RHPN2: variants seen among roughly 807,000 people sequenced by gnomAD.
The protein encoded by RHPN2 is rhophilin-2.
A neutral mutation model predicts 79.0 loss-of-function variants in RHPN2; 40 were observed. The observed-to-expected ratio is 0.51, with a 90% confidence interval of 0.39 to 0.66. RHPN2 has a LOEUF of 0.66. Ranked by LOEUF, RHPN2 falls within the 30% of genes least tolerant of loss-of-function variation. RHPN2 has a pLI of 0.00. For missense variants in RHPN2, 686 were observed against 883.5 expected (o/e 0.78, Z 2.83); for synonymous variants, 285 against 363.5 (o/e 0.78, Z 2.46).
intron 4 of RHPN2, among the ~76,000 whole-genome samples, chr19:33,020,675 C>T (rs989244107): frequency 1.3e-5 from 2 of 151,992 alleles, no homozygotes; most frequent in South Asian, 2.1e-4. Context: ...AATTTCTGTA[C>T]ATTTAGTAGA....
intron 2 of RHPN2, among the ~76,000 whole-genome samples, chr19:33,038,739 C>T (rs1195007658): frequency 6.6e-6 from 1 of 152,146 alleles, no homozygotes; most frequent in Non-Finnish European, 1.5e-5. Context: ...CTCACTGCAA[C>T]CTCGAACTCC....
intron 7 of RHPN2, 72 bp from the exon 8 acceptor site, chr19:33,003,072 T>TA: frequency 1.4e-6 from 2 of 1,429,260 alleles, no homozygotes; most frequent in Non-Finnish European, 1.9e-6. Flanking sequence ...TAGAGAAAGA[T>TA]AGGAGGCCGA....
At position 33,036,907 on chromosome 19, in the gene RHPN2, G is replaced by A. The variant is rs537236947; in HGVS notation, c.185+7342C>T. Among the ~76,000 whole-genome samples the A allele has an allele frequency of 2.2e-3, 314 of 142,884 alleles. 2 individuals carry two copies. Among genetic ancestry groups the A allele is most frequent in the South Asian group, 0.013 (59 of 4,628 alleles). 93.7% of individuals were successfully genotyped at this position (142,884 alleles called of 152,430 possible). A position where few individuals can be genotyped will look rare whatever the true frequency, so the allele number is the denominator to read the frequency against. ...CCCTCTGTGGGCTCCTGTGTAGCCCGAGCCTCCCCGACGAGCGCCGCCCCC... is the reference window on the plus strand; with the variant it reads ...CCCTCTGTGGGCTCCTGTGTAGCCCAAGCCTCCCCGACGAGCGCCGCCCCC... On this transcript the variant is annotated intron_variant, in intron 2 of 14. Transcript: ENST00000254260.
At chr19:33,064,638 C>G (rs1353254331) in intron 1 of RHPN2, 146 bp downstream of exon 1, 3 of 797,310 alleles carry the variant, frequency 3.8e-6, no homozygotes, top group Non-Finnish European at 5.6e-6. Flanking sequence ...CCGCCAGCCT[C>G]CGTCCGGCCA....
chr19:33,048,978 T>G (rs1242494378), intron 1 of RHPN2, among the ~76,000 whole-genome samples: 4 of 152,084 alleles, frequency 2.6e-5, no homozygotes, highest in Non-Finnish European at 5.9e-5. Context: ...TTTTTTCTGT[T>G]CGTATACTTT....
Position 33,036,870 on chromosome 19 carries a change from GC to G in RHPN2, c.185+7378del, listed in dbSNP as rs199550754. On this transcript the variant is annotated intron_variant, in intron 2 of 14. Transcript: ENST00000254260. Reference sequence around the variant, plus strand: ...AGCACCTGTAGCCCGCCATGCCTGAGCCCCCCCGCCACCCTCTGTGGGCTCC... The same window carrying G: ...AGCACCTGTAGCCCGCCATGCCTGAGCCCCCCGCCACCCTCTGTGGGCTCC... 3.5e-5 allele frequency among the ~76,000 whole-genome samples: 5 copies of G among 141,424 alleles called. No individual in the cohort carries two copies. The East Asian group carries it at 6.8e-4, about 19-fold the overall frequency. 92.8% of individuals were successfully genotyped at this position (141,424 alleles called of 152,430 possible).
At chr19:32,991,764 C>G in intron 13 of RHPN2, 59 bp downstream of exon 13, 2 of 1,611,810 alleles carry the variant, frequency 1.2e-6, no homozygotes, top group Non-Finnish European at 1.7e-6. Flanking sequence ...TGAACCCACC[C>G]TAAATTCAAT....
intron 1 of RHPN2, among the ~76,000 whole-genome samples, chr19:33,050,342 T>A (rs1449439502): frequency 1.3e-5 from 2 of 152,180 alleles, no homozygotes; most frequent in Admixed American, 1.3e-4. Context: ...TACTTTTCAT[T>A]TACAGCAACC....
chr19:33,007,910 TGGCCC>T (rs758247777), intron 7 of RHPN2, 99 bp downstream of exon 7: 243,841 of 1,308,986 alleles, frequency 0.19, 22,834 homozygotes, highest in South Asian at 0.28. Context: ...GAGACTGGTC[TGGCCC>T]TTGCGAGGGA....
At chr19:33,024,914 G>A (rs1397176822) in intron 3 of RHPN2, among the ~76,000 whole-genome samples, 1 of 151,920 alleles carries the variant, frequency 6.6e-6, no homozygotes, top group African/African-American at 2.4e-5. Flanking sequence ...ACCATGCCCG[G>A]CTAATTTTCC....
At chr19:33,057,096 G>A (rs1419464305) in intron 1 of RHPN2, among the ~76,000 whole-genome samples, 1 of 150,348 alleles carries the variant, frequency 6.7e-6, no homozygotes, top group Non-Finnish European at 1.5e-5. Flanking sequence ...CTCCAGCCTG[G>A]GCAACAGAGC....
At chr19:32,992,519 T>C (rs1318223748) in intron 12 of RHPN2, among the ~76,000 whole-genome samples, 1 of 151,988 alleles carries the variant, frequency 6.6e-6, no homozygotes, top group Non-Finnish European at 1.5e-5. Flanking sequence ...ATCTCTAATA[T>C]AAAAAATGTA....
chr19:33,046,271 A>G (rs527339284), intron 1 of RHPN2, among the ~76,000 whole-genome samples: 60 of 151,864 alleles, frequency 4.0e-4, no homozygotes, highest in South Asian at 2.9e-3. Context: ...TTTATTTTTG[A>G]TTCTGTTTTT....
At chr19:33,042,189 CA>C (rs111551787) in intron 2 of RHPN2, among the ~76,000 whole-genome samples, 176 of 129,292 alleles carry the variant, frequency 1.4e-3, no homozygotes, top group Non-Finnish European at 1.5e-3. Context: ...AACTCCATCT[CA>C]AAAAAAAAAA....
intron 6 of RHPN2, among the ~76,000 whole-genome samples, chr19:33,009,609 G>A (rs1971820853): frequency 6.6e-6 from 1 of 151,450 alleles, no homozygotes; most frequent in Admixed American, 6.6e-5. Flanking sequence ...CACCACCCAT[G>A]ACCGGCAAAT....
intron 1 of RHPN2, among the ~76,000 whole-genome samples, chr19:33,048,923 A>G (rs1004690803): frequency 6.6e-6 from 1 of 152,116 alleles, no homozygotes; most frequent in African/African-American, 2.4e-5. Context: ...GTACATTCCC[A>G]GAGCTCAGAT....
intron 14 of RHPN2, among the ~76,000 whole-genome samples, chr19:32,984,265 T>C (rs758698328): frequency 5.3e-5 from 8 of 152,186 alleles, no homozygotes; most frequent in Admixed American, 1.3e-4. Flanking sequence ...TTGATTTTGT[T>C]TGAAAGGCTC....
At chr19:33,050,837 C>T (rs972832527) in intron 1 of RHPN2, among the ~76,000 whole-genome samples, 2 of 152,046 alleles carry the variant, frequency 1.3e-5, no homozygotes, top group Non-Finnish European at 2.9e-5. Flanking sequence ...CGCCACCACA[C>T]CCGGCTAATT....
intron 2 of RHPN2, among the ~76,000 whole-genome samples, chr19:33,031,320 G>A (rs1476097091): frequency 1.0e-5 from 1 of 99,164 alleles, no homozygotes; most frequent in Non-Finnish European, 1.7e-5. Context: ...GAGTGCAGTG[G>A]CACATCATGG....
Sources: allele counts gnomAD v4.1 joint callset (sites outside exome capture counted in the v4.1 genomes callset), GRCh38; gene constraint gnomAD v4.1.1; transcripts MANE v1.5; gene names NCBI Gene and HGNC (gene_info 2026-07-23, HGNC 2026-07-21).